The following PUS10 variants were observed in gnomAD, a reference collection of about 807,000 sequenced individuals.
PUS10 encodes the protein tRNA pseudouridine synthase Pus10.
Under a neutral mutation model 75.0 loss-of-function variants are expected in PUS10, and 59 were observed. That is an observed-to-expected ratio of 0.79 (90% confidence interval 0.64 to 0.98). PUS10 has a LOEUF of 0.98. Among genes scored for constraint, PUS10 ranks in the 50% least tolerant of loss-of-function variants. PUS10 has a pLI of 0.00. For synonymous variants in PUS10, 219 were observed against 211.6 expected, an observed-to-expected ratio of 1.03 and a Z score of -0.30; for missense variants, 650 against 614.4, an observed-to-expected ratio of 1.06 and a Z score of -0.61.
chr2:60,999,007 T>C (rs988368129), intron 4 of PUS10: 10 of 152,316 alleles, frequency 6.6e-5, no homozygotes. Context: ...AGGTGTTTCA[T>C]CCAAAGTAAC....
rs1292915312 is a variant in PUS10 at position 60,955,016 on chromosome 2, A to C, written c.1057+2T>G. 3 of 1,569,554 alleles carry C rather than the reference A, an allele frequency of 1.9e-6. No individual in the cohort carries two copies. The highest frequency in any genetic ancestry group is 2.6e-6 in the Non-Finnish European group (3 of 1,151,208). Reference sequence around the variant, plus strand: ...AATCAGGTGATGCTGTTGCAGTCTTACCATTTCCTAATGTTCTCACATCTA... The same window carrying C: ...AATCAGGTGATGCTGTTGCAGTCTTCCCATTTCCTAATGTTCTCACATCTA... On this transcript the variant is annotated splice_donor_variant, in intron 12 of 17. Transcript: ENST00000316752. LOFTEE classifies it high-confidence loss of function.
At position 61,008,957 on chromosome 2, in the gene PUS10, T is replaced by G; in HGVS notation, c.185A>C (p.Glu62Ala). The change falls in exon 3 of 18, where the codon GAA becomes GCA. Residue 62 changes from glutamate (E) to alanine (A), a missense_variant. Physicochemically the swap from Glu to Ala is moderately radical, Grantham distance 107. Coordinates refer to ENST00000316752, the MANE Select transcript of PUS10 (RefSeq NM_144709.4). ...LETEKDELIL[E>A]VMNPPPKKIR... Reference sequence around the variant, plus strand: ...TTTCTTGGGAGGTGGGTTCATAACTTCCAAAATTAATTCATCTTTTTCAGT... The same window carrying G: ...TTTCTTGGGAGGTGGGTTCATAACTGCCAAAATTAATTCATCTTTTTCAGT... 1 of 1,612,866 alleles carries G rather than the reference T, an allele frequency of 6.2e-7. No homozygotes were observed. Among genetic ancestry groups the G allele is most frequent in the Non-Finnish European group, 8.5e-7 (1 of 1,179,274 alleles).
chr2:61,008,131 T>A (rs1193257578), intron 3 of PUS10, among the ~76,000 whole-genome samples: 1 of 151,936 alleles, frequency 6.6e-6, no homozygotes, highest in African/African-American at 2.4e-5. Context: ...CTCACACCTC[T>A]AATCCCAGTA....
Position 60,945,090 on chromosome 2 carries a change from T to C in PUS10, c.1470A>G (p.Val490=). Reference sequence around the variant, plus strand: ...GCTTGGTTCTCCCGAAGTCTCCATGTACAAACTCTTTAATGTAGCTGGGGT... The same window carrying C: ...GCTTGGTTCTCCCGAAGTCTCCATGCACAAACTCTTTAATGTAGCTGGGGT... ...TQAGTYIKEF[V]HGDFGRTKPN... The change falls in exon 17 of 18, where the codon GTA becomes GTG. Residue 490 remains valine, a synonymous_variant. Coordinates refer to ENST00000316752, the MANE Select transcript of PUS10 (RefSeq NM_144709.4). The C allele has an allele frequency of 6.2e-7, 1 of 1,613,258 alleles. No individual in the cohort carries two copies. Among genetic ancestry groups the C allele is most frequent in the Non-Finnish European group, 8.5e-7 (1 of 1,179,148 alleles).
intron 1 of PUS10, among the ~76,000 whole-genome samples, chr2:61,014,445 G>C (rs1573534502): frequency 6.6e-6 from 1 of 152,128 alleles, no homozygotes; most frequent in Non-Finnish European, 1.5e-5. Flanking sequence ...CAAAATATTT[G>C]AGAGCAACTG....
chr2:60,944,166 C>A, intron 17 of PUS10: 3 of 931,252 alleles, frequency 3.2e-6, no homozygotes, highest in Non-Finnish European at 3.8e-6. Flanking sequence ...TTTTCTTTAA[C>A]AGAAGGTTTT....
intron 3 of PUS10, among the ~76,000 whole-genome samples, chr2:61,007,687 T>G (rs921139935): frequency 6.7e-6 from 1 of 148,812 alleles, no homozygotes; most frequent in African/African-American, 2.5e-5. Context: ...GAGAATCATT[T>G]GAACCTGGGA....
At chr2:60,997,864 C>T (rs1235960858) in intron 4 of PUS10, among the ~76,000 whole-genome samples, 2 of 152,102 alleles carry the variant, frequency 1.3e-5, no homozygotes, top group African/African-American at 4.8e-5. Flanking sequence ...TCAGAAAAGG[C>T]TTATTGAATG....
At position 61,009,007 on chromosome 2, in the gene PUS10, G is replaced by C. The variant is rs144187605; in HGVS notation, c.135C>G (p.Leu45=). 1.9e-6 allele frequency: 3 copies of C among 1,611,162 alleles called. No homozygotes were observed. Among genetic ancestry groups the C allele is most frequent in the African/African-American group, 2.7e-5 (2 of 74,632 alleles). The change falls in exon 3 of 18, where the codon CTC becomes CTG. Residue 45 remains leucine (L), a synonymous_variant. Coordinates refer to ENST00000316752, the MANE Select transcript of PUS10 (RefSeq NM_144709.4). Reference sequence around the variant, plus strand: ...TTTCCAGAAATTTCTGTAGTTCATTGAGCAACTCCTGGAAAGTTAATGAAA... The same window carrying C: ...TTTCCAGAAATTTCTGTAGTTCATTCAGCAACTCCTGGAAAGTTAATGAAA... ...APYKLPYKEL[L]NELQKFLETE...
chr2:60,960,658 C>A (rs185625936), intron 10 of PUS10, 141 bp from the exon 11 acceptor site: 22 of 638,276 alleles, frequency 3.4e-5, no homozygotes, highest in Non-Finnish European at 4.7e-5. Context: ...AACTAACAAT[C>A]CAATTTGGAG....
chr2:60,942,510 T>C (rs560764329), intron 17 of PUS10, 77 bp from the exon 18 acceptor site: 2 of 1,093,874 alleles, frequency 1.8e-6, no homozygotes, highest in East Asian at 2.4e-5. Context: ...TGTATAAATT[T>C]AATAGTTTTA....
chr2:61,000,661 C>G (rs989677835), intron 4 of PUS10, among the ~76,000 whole-genome samples: 2 of 152,194 alleles, frequency 1.3e-5, no homozygotes, highest in African/African-American at 4.8e-5. Flanking sequence ...CCCTCTTACC[C>G]TGACCTTTGT....
intron 1 of PUS10, chr2:61,017,740 G>C (rs868805865): frequency 5.2e-6 from 8 of 1,546,156 alleles, no homozygotes; most frequent in Non-Finnish European, 7.0e-6. Context: ...AGGAGCGGGA[G>C]CCGAGAGGAG....
chr2:61,013,899 C>T (rs1679798493), intron 1 of PUS10, among the ~76,000 whole-genome samples: 1 of 151,938 alleles, frequency 6.6e-6, no homozygotes, highest in Admixed American at 6.6e-5. Context: ...GTGGCTGGCG[C>T]CTGCACTCCA....
intron 4 of PUS10, among the ~76,000 whole-genome samples, chr2:60,983,647 A>G (rs1318579497): frequency 1.3e-5 from 2 of 152,072 alleles, no homozygotes; most frequent in Non-Finnish European, 2.9e-5. Context: ...ATTGCACTTC[A>G]GCCTTGGCAA....
At chr2:61,009,066 G>C in intron 2 of PUS10, 51 bp from the exon 3 acceptor site, 1 of 1,499,432 alleles carries the variant, frequency 6.7e-7, no homozygotes, top group Admixed American at 2.1e-5. Context: ...ATGTCCTTAA[G>C]GCTTTCTAGG....
intron 16 of PUS10, among the ~76,000 whole-genome samples, chr2:60,946,843 A>AAC (rs1553400975): frequency 2.7e-5 from 4 of 149,968 alleles, no homozygotes; most frequent in African/African-American, 9.8e-5. Flanking sequence ...GTGTGTGTGT[A>AAC]ATATATATAT....
chr2:60,999,333 C>A (rs1172158469), intron 4 of PUS10, among the ~76,000 whole-genome samples: 1 of 152,096 alleles, frequency 6.6e-6, no homozygotes, highest in Non-Finnish European at 1.5e-5. Context: ...AAAATAACCA[C>A]TATAGGGCCG....
chr2:60,984,940 A>G (rs1301695245), intron 4 of PUS10, among the ~76,000 whole-genome samples: 2 of 152,222 alleles, frequency 1.3e-5, no homozygotes, highest in Non-Finnish European at 2.9e-5. Context: ...GGGAAGTAGA[A>G]AAGAGGAAGA....
Sources: gnomAD v4.1 joint callset for allele counts (sites outside exome capture counted in the v4.1 genomes callset) on GRCh38, gnomAD v4.1.1 for gene constraint, MANE v1.5 for transcripts, NCBI Gene and HGNC (gene_info 2026-07-23, HGNC 2026-07-21) for gene names.